Variants in ALDH8A1 observed in about 807,000 individuals in gnomAD.
ALDH8A1 encodes 2-aminomuconic semialdehyde dehydrogenase.
Under a neutral mutation model 43.3 loss-of-function variants are expected in ALDH8A1, and 39 were observed. The ratio of observed to expected loss-of-function variants is 0.90; its 90% confidence interval spans 0.70 to 1.18. The LOEUF (loss-of-function observed/expected upper bound fraction) is 1.18, where lower values mean the gene tolerates loss of function less well. Ranked by LOEUF, ALDH8A1 falls within the 50% of genes most tolerant of loss-of-function variation. The pLI, the probability that ALDH8A1 is intolerant of heterozygous loss-of-function variation, is 0.00. For synonymous variants in ALDH8A1, 233 were observed against 243.5 expected (o/e 0.96, Z 0.40); for missense variants, 605 against 622.6 (o/e 0.97, Z 0.30).
chr6:134,925,956 G>A (rs1035106229), intron 6 of ALDH8A1, among the ~76,000 whole-genome samples: 1 of 152,080 alleles, frequency 6.6e-6, no homozygotes, highest in African/African-American at 2.4e-5. Context: ...TATTTTCCAG[G>A]AAGAACAGGG....
At chr6:134,945,944 G>T (rs1773942244) in intron 1 of ALDH8A1, among the ~76,000 whole-genome samples, 2 of 152,164 alleles carry the variant, frequency 1.3e-5, no homozygotes, top group African/African-American at 4.8e-5. Context: ...ATTCTCGTGA[G>T]ATCTAATGGT....
intron 5 of ALDH8A1, 27 bp from the exon 6 acceptor site, chr6:134,929,242 G>A (rs1278137988): frequency 6.2e-7 from 1 of 1,608,914 alleles, no homozygotes; most frequent in South Asian, 1.1e-5. Flanking sequence ...CAGGGATAAG[G>A]CTGCGGACAC....
At chr6:134,927,309 A>G (rs1185917552) in intron 6 of ALDH8A1, among the ~76,000 whole-genome samples, 9 of 148,544 alleles carry the variant, frequency 6.1e-5, no homozygotes, top group Admixed American at 6.0e-4. Flanking sequence ...TAAAAAAGAA[A>G]GAAGAAGAAG....
intron 3 of ALDH8A1, among the ~76,000 whole-genome samples, chr6:134,939,619 CA>C (rs1295451260): frequency 1.3e-5 from 2 of 152,212 alleles, no homozygotes; most frequent in Non-Finnish European, 2.9e-5. Context: ...TCTTTTAAAA[CA>C]GAGTAAAGTC....
chr6:134,918,954 C>T (rs1028658605), intron 6 of ALDH8A1, 87 bp from the exon 7 acceptor site: 12 of 1,406,382 alleles, frequency 8.5e-6, no homozygotes, highest in African/African-American at 5.7e-5. Flanking sequence ...CTAATCATCT[C>T]GGAAGGAGGG....
intron 4 of ALDH8A1, among the ~76,000 whole-genome samples, chr6:134,936,295 A>G (rs76849326): frequency 0.012 from 1,877 of 152,344 alleles, 31 homozygotes; most frequent in South Asian, 0.021. Context: ...CAACATGCAC[A>G]TTTGTTGAAA....
chr6:134,944,055 C>T lies in ALDH8A1; in HGVS notation c.139-89G>A. 4.9e-6 allele frequency: 6 copies of T among 1,221,888 alleles called. No individual in the cohort carries two copies. The South Asian group carries it at 9.4e-5, about 19-fold the overall frequency. 75.7% of individuals were successfully genotyped at this position (1,221,888 alleles called of 1,614,324 possible). A position where few individuals can be genotyped will look rare whatever the true frequency, so the allele number is the denominator to read the frequency against. The stretch of plus-strand genomic sequence containing the variant: ...ACCAGAATCCTCAGGTCTCCACACA[C>T]CTCATTTTTGTTTTGTTTTGTTTTG... On this transcript the variant is annotated intron_variant, in intron 1 of 6. Transcript: ENST00000265605.
intron 3 of ALDH8A1, 36 bp downstream of exon 3, chr6:134,942,373 T>C: frequency 6.5e-7 from 1 of 1,545,252 alleles, no homozygotes; most frequent in Non-Finnish European, 8.8e-7. Context: ...TCTGCAAGCA[T>C]AACCGGGAGG....
At chr6:134,934,168 C>T (rs1054148634) in intron 4 of ALDH8A1, among the ~76,000 whole-genome samples, 1 of 152,156 alleles carries the variant, frequency 6.6e-6, no homozygotes, top group Admixed American at 6.5e-5. Flanking sequence ...TCCTAAGCTC[C>T]CCCAGTTGAC....
intron 5 of ALDH8A1, among the ~76,000 whole-genome samples, 183 bp from the exon 6 acceptor site, chr6:134,929,398 A>G (rs1181186990): frequency 6.6e-6 from 1 of 152,222 alleles, no homozygotes. Context: ...ATAAGAACAC[A>G]AGTAAATAAA....
At chr6:134,942,755 G>A (rs1773879953) in intron 2 of ALDH8A1, among the ~76,000 whole-genome samples, 191 bp from the exon 3 acceptor site, 1 of 152,140 alleles carries the variant, frequency 6.6e-6, no homozygotes, top group Admixed American at 6.6e-5. Context: ...GTATAAGGTT[G>A]GAAACTGAGG....
intron 4 of ALDH8A1, among the ~76,000 whole-genome samples, chr6:134,933,663 T>C (rs140689103): frequency 1.0e-3 from 153 of 152,320 alleles, no homozygotes; most frequent in African/African-American, 3.3e-3. Flanking sequence ...TCTGCTACCC[T>C]GTATCTTCGT....
rs201505652 is a variant in ALDH8A1 at position 134,943,963 on chromosome 6, C to T, written c.142G>A (p.Glu48Lys). The change falls in exon 2 of 7, where the codon GAA (glutamate) becomes AAA (lysine). Residue 48 changes from glutamate to lysine, a missense_variant. Coordinates refer to ENST00000265605, the MANE Select transcript of ALDH8A1 (RefSeq NM_022568.4). ...TCTCTGGCGGCCTTGACCGCGGCTT[C>T]GATCTTTGAGGAGCAAATGGGAGAA... Reference protein sequence around the residue: ...RVPNSGKDEIEAAVKAAREAF... With the variant: ...RVPNSGKDEIKAAVKAAREAF... The T allele has an allele frequency of 8.7e-6, 14 of 1,613,696 alleles. No homozygotes were observed. The highest frequency in any genetic ancestry group is 2.2e-5 in the East Asian group (1 of 44,884).
At chr6:134,924,899 A>G (rs73547172) in intron 6 of ALDH8A1, among the ~76,000 whole-genome samples, 14,619 of 152,226 alleles carry the variant, frequency 0.096, 2,368 homozygotes, top group African/African-American at 0.33. Flanking sequence ...GAGAATTTGG[A>G]AGGCATTCCA....
intron 6 of ALDH8A1, among the ~76,000 whole-genome samples, chr6:134,920,597 G>C (rs1776783019): frequency 6.6e-6 from 1 of 152,080 alleles, no homozygotes; most frequent in South Asian, 2.1e-4. Context: ...AAAAGGTAAA[G>C]GGAAGTGTCA....
chr6:134,937,820 A>G (rs1420355953), intron 4 of ALDH8A1, among the ~76,000 whole-genome samples: 1 of 152,210 alleles, frequency 6.6e-6, no homozygotes, highest in Non-Finnish European at 1.5e-5. Flanking sequence ...GGGGAGGAAC[A>G]TGGGAAGGGT....
intron 3 of ALDH8A1, 41 bp downstream of exon 3, chr6:134,942,368 A>G: frequency 6.6e-7 from 1 of 1,513,726 alleles, no homozygotes; most frequent in African/African-American, 1.4e-5. Context: ...GAGCATCTGC[A>G]AGCATAACCG....
At chr6:134,933,219 G>T (rs1261363773) in intron 4 of ALDH8A1, among the ~76,000 whole-genome samples, 187 bp from the exon 5 acceptor site, 2 of 152,198 alleles carry the variant, frequency 1.3e-5, no homozygotes, top group Non-Finnish European at 2.9e-5. Flanking sequence ...AAAAACCACA[G>T]ATTCACCTCT....
rs554466201 is a variant in ALDH8A1 at position 134,921,604 on chromosome 6, A to G, written c.1012-2737T>C. 2.6e-5 allele frequency among the ~76,000 whole-genome samples: 4 copies of G among 152,334 alleles called. No individual in the cohort carries two copies. The South Asian group carries it at 8.3e-4, about 32-fold the overall frequency. ...TTGGCCATTACAAAACAACTTTTAC[A>G]TATTCTAATTGGATTATTTCACCAA... is the stretch of plus-strand genomic sequence containing the variant. On this transcript the variant is annotated intron_variant, in intron 6 of 6. Transcript: ENST00000265605.
Sources: gnomAD v4.1 joint callset for allele counts (sites outside exome capture counted in the v4.1 genomes callset) on GRCh38, gnomAD v4.1.1 for gene constraint, MANE v1.5 for transcripts, NCBI Gene and HGNC (gene_info 2026-07-23, HGNC 2026-07-21) for gene names.